Variants in LAMA1 observed in about 807,000 individuals in gnomAD.
LAMA1 encodes the protein laminin subunit alpha-1.
In LAMA1, 219 loss-of-function variants were observed where a neutral mutation model predicts 348.7. The observed-to-expected ratio is 0.63, with a 90% CI of 0.56 to 0.70. The LOEUF (loss-of-function observed/expected upper bound fraction) is 0.70. Ranked by LOEUF, LAMA1 falls within the 30% of genes least tolerant of loss-of-function variation. The pLI is 0.00. For missense variants in LAMA1, 3,744 were observed against 3,888.0 expected (o/e 0.96, Z 0.99); for synonymous variants, 1,487 against 1,491.0 (o/e 1.00, Z 0.06).
At chr18:7,025,858 G>T in intron 17 of LAMA1, 121 bp downstream of exon 17, 4 of 1,379,784 alleles carry the variant, frequency 2.9e-6, no homozygotes, top group Non-Finnish European at 3.0e-6. Context: ...CAAATCAATT[G>T]TCACTGGGCA....
Position 7,024,307 on chromosome 18 carries a change from C to A in LAMA1, c.2489+73G>T. The stretch of plus-strand genomic sequence containing the variant: ...AAAACTCCAAAACCACACTTAACTA[C>A]GCATTTAAAAATAAACACATAGAAT... On this transcript the variant is annotated intron_variant, in intron 18 of 62. Transcript: ENST00000389658. The A allele has an allele frequency of 2.6e-6, 3 of 1,135,288 alleles. No homozygotes were observed. The East Asian group carries it at 7.6e-5, about 29-fold the overall frequency. 70.3% of individuals were successfully genotyped at this position (1,135,288 alleles called of 1,614,324 possible).
At chr18:7,020,685 C>T (rs537628511) in intron 19 of LAMA1, among the ~76,000 whole-genome samples, 4 of 152,322 alleles carry the variant, frequency 2.6e-5, no homozygotes, top group African/African-American at 2.4e-5. Context: ...CTGCTCTAAC[C>T]GTCCTTCCTC....
chr18:6,988,808 T>TAAAAAAAAAAAAAA, intron 36 of LAMA1, among the ~76,000 whole-genome samples: 1 of 100,474 alleles, frequency 1.0e-5, no homozygotes, highest in South Asian at 3.7e-4. Context: ...TCCGTCTCAA[T>TAAAAAAAAAAAAAA]AAAAAAAAAA....
intron 58 of LAMA1, among the ~76,000 whole-genome samples, chr18:6,950,419 T>G (rs528257051): frequency 3.3e-5 from 5 of 152,294 alleles, no homozygotes; most frequent in African/African-American, 1.2e-4. Flanking sequence ...CAGGCACAGG[T>G]AAAGCGTGCT....
intron 30 of LAMA1, among the ~76,000 whole-genome samples, chr18:7,001,139 G>T (rs116839331): frequency 0.028 from 4,337 of 152,184 alleles, 114 homozygotes; most frequent in African/African-American, 0.07. Context: ...ACGTGGATAT[G>T]AATTTTTTCC....
chr18:7,107,533 C>G (rs2058317202), intron 1 of LAMA1, among the ~76,000 whole-genome samples: 1 of 152,168 alleles, frequency 6.6e-6, no homozygotes, highest in Non-Finnish European at 1.5e-5. Flanking sequence ...GAGAACAGGG[C>G]TCTCCAGACA....
chr18:7,036,580 A>G (rs2057995698), intron 12 of LAMA1, among the ~76,000 whole-genome samples: 1 of 152,212 alleles, frequency 6.6e-6, no homozygotes, highest in Admixed American at 6.5e-5. Context: ...TCTGATGGGT[A>G]TATGACAGCA....
chr18:7,075,504 C>T (rs1011021650), intron 3 of LAMA1, among the ~76,000 whole-genome samples: 16 of 152,030 alleles, frequency 1.1e-4, no homozygotes, highest in Non-Finnish European at 1.8e-4. Context: ...TGCCTGTAAT[C>T]CCAGCTACTC....
intron 36 of LAMA1, among the ~76,000 whole-genome samples, chr18:6,989,122 A>G (rs1343837102): frequency 6.6e-6 from 1 of 152,178 alleles, no homozygotes; most frequent in Non-Finnish European, 1.5e-5. Flanking sequence ...TACAGCTCCA[A>G]CAAAATCCCT....
intron 51 of LAMA1, among the ~76,000 whole-genome samples, chr18:6,963,236 C>T (rs955430040): frequency 1.3e-5 from 2 of 152,154 alleles, no homozygotes; most frequent in Admixed American, 1.3e-4. Flanking sequence ...GGCTTCTGTC[C>T]TTTCCTGCGT....
At chr18:7,051,226 T>A (rs2058061361) in intron 3 of LAMA1, among the ~76,000 whole-genome samples, 1 of 152,130 alleles carries the variant, frequency 6.6e-6, no homozygotes, top group Non-Finnish European at 1.5e-5. Context: ...AGATCTTAAG[T>A]ATGCTCATCA....
At chr18:7,112,980 C>T (rs2058341787) in intron 1 of LAMA1, among the ~76,000 whole-genome samples, 2 of 152,126 alleles carry the variant, frequency 1.3e-5, no homozygotes, top group Admixed American at 1.3e-4. Context: ...TAAAGATGTT[C>T]ATTTCAACTT....
intron 30 of LAMA1, among the ~76,000 whole-genome samples, chr18:7,000,719 A>G (rs943928809): frequency 1.1e-4 from 16 of 152,200 alleles, no homozygotes; most frequent in African/African-American, 3.9e-4. Context: ...AAACTACTGG[A>G]GACAACAATA....
chr18:7,075,231 G>A (rs947994084), intron 3 of LAMA1, among the ~76,000 whole-genome samples: 1 of 151,990 alleles, frequency 6.6e-6, no homozygotes, highest in African/African-American at 2.4e-5. Flanking sequence ...CATTTTTATA[G>A]TACTGAAACA....
At chr18:6,963,896 T>G (rs142926183) in intron 51 of LAMA1, 1 of 152,276 alleles carries the variant, frequency 6.6e-6, no homozygotes, top group South Asian at 2.1e-4. Context: ...AAGGATTCCA[T>G]TGTGTGTCCT....
At chr18:7,008,439 A>G (rs769234282) in intron 28 of LAMA1, 49 bp downstream of exon 28, 1 of 1,610,862 alleles carries the variant, frequency 6.2e-7, no homozygotes, top group Non-Finnish European at 8.5e-7. Flanking sequence ...TGTAACAAGC[A>G]CATTTCAACT....
intron 5 of LAMA1, among the ~76,000 whole-genome samples, chr18:7,047,744 T>A (rs1315984513): frequency 1.3e-5 from 2 of 151,820 alleles, no homozygotes; most frequent in Non-Finnish European, 2.9e-5. Flanking sequence ...AATAATAAGG[T>A]TGAATAGTTT....
At chr18:7,087,411 C>A (rs111412412) in intron 1 of LAMA1, among the ~76,000 whole-genome samples, 2 of 152,306 alleles carry the variant, frequency 1.3e-5, no homozygotes, top group African/African-American at 4.8e-5. Flanking sequence ...ATGCTCCACG[C>A]CATCTTGGCT....
At chr18:7,036,158 T>A (rs1476471354) in intron 12 of LAMA1, 70 bp from the exon 13 acceptor site, 1 of 1,092,020 alleles carries the variant, frequency 9.2e-7, no homozygotes. Context: ...TAAGAGGAAG[T>A]GGTCACTGGG....
Sources: allele counts gnomAD v4.1 joint callset (sites outside exome capture counted in the v4.1 genomes callset), GRCh38; gene constraint gnomAD v4.1.1; transcripts MANE v1.5; gene names NCBI Gene and HGNC (gene_info 2026-07-23, HGNC 2026-07-21).